The following UNC13C variants were observed in gnomAD, a reference collection of about 807,000 sequenced individuals.
The protein encoded by UNC13C is unc-13 homolog C.
Under a neutral mutation model 245.4 loss-of-function variants are expected in UNC13C, and 174 were observed. The observed-to-expected ratio is 0.71, with a 90% CI of 0.63 to 0.80. The LOEUF (loss-of-function observed/expected upper bound fraction) is 0.80, where lower values mean the gene tolerates loss of function less well. Ranked by LOEUF, UNC13C falls within the 30% of genes least tolerant of loss-of-function variation. The pLI is 0.00. For missense variants in UNC13C, 2,829 were observed against 2,602.9 expected (o/e 1.09, Z -1.89); for synonymous variants, 992 against 895.1 (o/e 1.11, Z -1.93).
At chr15:54,379,513 C>A (rs2039675910) in intron 17 of UNC13C, among the ~76,000 whole-genome samples, 1 of 151,844 alleles carries the variant, frequency 6.6e-6, no homozygotes, top group Non-Finnish European at 1.5e-5. Flanking sequence ...TTTTTTAATA[C>A]CTTTATTATA....
chr15:54,485,839 G>A (rs945190339), intron 19 of UNC13C, among the ~76,000 whole-genome samples: 2 of 152,098 alleles, frequency 1.3e-5, no homozygotes, highest in African/African-American at 4.8e-5. Flanking sequence ...TGCTCTTCCA[G>A]AAGATGGCTC....
intron 19 of UNC13C, among the ~76,000 whole-genome samples, chr15:54,458,251 C>T (rs570232900): frequency 6.6e-6 from 1 of 151,988 alleles, no homozygotes; most frequent in Non-Finnish European, 1.5e-5. Context: ...TGAGAAAGTA[C>T]TATATATACT....
At chr15:54,217,546 A>T (rs2035078849) in intron 4 of UNC13C, among the ~76,000 whole-genome samples, 1 of 151,878 alleles carries the variant, frequency 6.6e-6, no homozygotes, top group East Asian at 1.9e-4. Context: ...GATGATTGTA[A>T]ATACCACAGG....
At chr15:53,882,217 T>C in the UNC13C span, among the ~76,000 whole-genome samples, 1 of 152,216 alleles carries the variant, frequency 6.6e-6, no homozygotes, top group Non-Finnish European at 1.5e-5. Context: ...ATGTTTAACA[T>C]AATTGAATGT....
Position 54,418,688 on chromosome 15 carries a change from C to T in UNC13C, c.4933+3621C>T, listed in dbSNP as rs565506545. 1.5e-4 allele frequency among the ~76,000 whole-genome samples: 23 copies of T among 152,076 alleles called. 1 individual carries two copies. Among genetic ancestry groups the T allele is most frequent in the Non-Finnish European group, 3.1e-4 (21 of 68,020 alleles). On this transcript the variant is annotated intron_variant, in intron 19 of 32. Coordinates refer to ENST00000260323, the MANE Select transcript of UNC13C (RefSeq NM_001080534.3). Reference sequence around the variant, plus strand: ...TTGGGGGCTTGGTAAATATATCCTGCATACACTGATGAGCTGGAAGTGGCT... The same window carrying T: ...TTGGGGGCTTGGTAAATATATCCTGTATACACTGATGAGCTGGAAGTGGCT...
the UNC13C span, among the ~76,000 whole-genome samples, chr15:53,962,417 C>T: frequency 1.6e-3 from 248 of 151,968 alleles, 4 homozygotes; most frequent in East Asian, 0.026. Flanking sequence ...TCTCATTATA[C>T]GGTTATGATT....
chr15:54,039,344 A>G lies in UNC13C; in HGVS notation c.2983+23458A>G, dbSNP rs567470149. 1.4e-4 allele frequency among the ~76,000 whole-genome samples: 22 copies of G among 152,316 alleles called. No individual in the cohort carries two copies. In the South Asian group the frequency reaches 4.4e-3, roughly 30 times the overall value. ...TTTTATTTGCCTGATTTGAGTTGTC[A>G]AAATATTCTAGATTCTTTTCATATT... is the stretch of plus-strand genomic sequence containing the variant. On this transcript the variant is annotated intron_variant, in intron 2 of 32. Transcript: ENST00000260323.
intron 2 of UNC13C, among the ~76,000 whole-genome samples, chr15:54,125,206 G>T (rs1204311342): frequency 6.6e-6 from 1 of 152,154 alleles, no homozygotes; most frequent in Non-Finnish European, 1.5e-5. Context: ...GCTCACATCT[G>T]TAATTCTAGC....
intron 30 of UNC13C, among the ~76,000 whole-genome samples, chr15:54,596,205 T>C (rs1375682422): frequency 6.6e-6 from 1 of 152,068 alleles, no homozygotes; most frequent in Admixed American, 6.5e-5. Context: ...GAAAGTTGTA[T>C]TTTTTTCATG....
intron 2 of UNC13C, among the ~76,000 whole-genome samples, chr15:54,120,840 T>G (rs1395329041): frequency 6.6e-6 from 1 of 152,016 alleles, no homozygotes; most frequent in Non-Finnish European, 1.5e-5. Context: ...GTGGTAGAAC[T>G]AAAAAGAGAA....
At chr15:54,310,776 C>CTATATA (rs1032512420) in intron 13 of UNC13C, among the ~76,000 whole-genome samples, 2 of 95,882 alleles carry the variant, frequency 2.1e-5, no homozygotes, top group South Asian at 8.4e-4. Flanking sequence ...ATATCTATAT[C>CTATATA]TATATATATG....
At chr15:54,463,669 C>T (rs1174430771) in intron 19 of UNC13C, among the ~76,000 whole-genome samples, 1 of 152,156 alleles carries the variant, frequency 6.6e-6, no homozygotes, top group African/African-American at 2.4e-5. Context: ...GGAACAAACT[C>T]TGGGCACACC....
chr15:53,970,528 C>A, the UNC13C span, among the ~76,000 whole-genome samples: 1 of 152,142 alleles, frequency 6.6e-6, no homozygotes, highest in Non-Finnish European at 1.5e-5. Context: ...TCTTTGAGAT[C>A]CTACTTTGGA....
intron 19 of UNC13C, among the ~76,000 whole-genome samples, chr15:54,457,020 T>C (rs974486001): frequency 6.6e-6 from 1 of 152,164 alleles, no homozygotes; most frequent in Non-Finnish European, 1.5e-5. Flanking sequence ...TGGTTTGTCA[T>C]AGATGGTTTT....
At chr15:54,545,251 A>G (rs1174835033) in intron 26 of UNC13C, among the ~76,000 whole-genome samples, 1 of 152,242 alleles carries the variant, frequency 6.6e-6, no homozygotes, top group East Asian at 1.9e-4. Context: ...CCATATGCAG[A>G]AAACTGAAAG....
chr15:54,371,095 A>G (rs1041414924), intron 17 of UNC13C, among the ~76,000 whole-genome samples: 2 of 152,166 alleles, frequency 1.3e-5, no homozygotes, highest in Non-Finnish European at 2.9e-5. Context: ...CATATTGTAC[A>G]ATTGATCTTT....
intron 30 of UNC13C, among the ~76,000 whole-genome samples, chr15:54,609,043 T>C (rs1011618236): frequency 1.3e-5 from 2 of 152,192 alleles, no homozygotes; most frequent in Admixed American, 1.3e-4. Context: ...GTCTCTGGTA[T>C]TAAATGAGTT....
In UNC13C at chr15:54,490,285, G is replaced by C. The variant is rs118048855; in HGVS notation, c.4934-4323G>C. On this transcript the variant is annotated intron_variant, in intron 19 of 32. Transcript: ENST00000260323. ...GTTTTAATTCTTTAGAAAGATTTAG[G>C]TATCTTTCCTATCTCCTTTCCCATA... 1.1e-4 allele frequency among the ~76,000 whole-genome samples: 16 copies of C among 152,220 alleles called. No homozygotes were observed. In the East Asian group the frequency reaches 2.9e-3, roughly 28 times the overall value.
chr15:54,464,383 C>A (rs1892053754), intron 19 of UNC13C, among the ~76,000 whole-genome samples: 1 of 151,980 alleles, frequency 6.6e-6, no homozygotes, highest in African/African-American at 2.4e-5. Flanking sequence ...ATTTATCTTC[C>A]AAGTATTTTT....
Sources: allele counts gnomAD v4.1 joint callset (sites outside exome capture counted in the v4.1 genomes callset), GRCh38; gene constraint gnomAD v4.1.1; transcripts MANE v1.5; gene names NCBI Gene and HGNC (gene_info 2026-07-23, HGNC 2026-07-21).